The following CTNNA3 variants were observed in gnomAD, a reference collection of about 807,000 sequenced individuals.
The protein encoded by CTNNA3 is catenin alpha 3.
In CTNNA3, 76 loss-of-function variants were observed where a neutral mutation model predicts 95.7. That is an observed-to-expected ratio of 0.79 (90% CI 0.66 to 0.96). The LOEUF (loss-of-function observed/expected upper bound fraction) is 0.96, where lower values mean the gene tolerates loss of function less well. Ranked by LOEUF, CTNNA3 falls within the 40% of genes least tolerant of loss-of-function variation. The probability of loss-of-function intolerance (pLI) is 0.00; values close to 1 mark genes in which losing one functional copy is unlikely to be tolerated. For synonymous variants in CTNNA3, 431 were observed against 374.4 expected, an observed-to-expected ratio of 1.15 and a Z score of -1.74; for missense variants, 1,191 against 1,089.8, an observed-to-expected ratio of 1.09 and a Z score of -1.31.
At chr10:67,663,572 G>C (rs1840252849) in intron 1 of CTNNA3, among the ~76,000 whole-genome samples, 1 of 151,982 alleles carries the variant, frequency 6.6e-6, no homozygotes, top group Non-Finnish European at 1.5e-5. Context: ...GGCAGGCTGG[G>C]AGGGGCTGCC....
intron 7 of CTNNA3, among the ~76,000 whole-genome samples, chr10:67,036,892 A>T (rs1001933364): frequency 1.3e-5 from 2 of 152,182 alleles, no homozygotes; most frequent in Admixed American, 1.3e-4. Context: ...GTGAAAAAAA[A>T]TAATAATGCA....
In CTNNA3 at chr10:66,175,037, A is replaced by G. The variant is rs1420306262; in HGVS notation, c.1885-71788T>C. 3.3e-5 allele frequency among the ~76,000 whole-genome samples: 5 copies of G among 152,266 alleles called. No individual in the cohort carries two copies. The South Asian group carries it at 1.0e-3, about 32-fold the overall frequency. On this transcript the variant is annotated intron_variant, in intron 13 of 17. Transcript: ENST00000433211. ...TGCCTCAGATATTGAGAAAGAAGGT[A>G]CAAGATTTCATTTTCACCATGAGCT...
intron 15 of CTNNA3, among the ~76,000 whole-genome samples, chr10:66,024,234 C>T (rs766244173): frequency 6.6e-6 from 1 of 151,964 alleles, no homozygotes; most frequent in Non-Finnish European, 1.5e-5. Context: ...GGACTACAGG[C>T]GACCGCCACC....
At chr10:65,921,204 C>T (rs2077081010) in intron 17 of CTNNA3, among the ~76,000 whole-genome samples, 1 of 152,172 alleles carries the variant, frequency 6.6e-6, no homozygotes, top group Admixed American at 6.5e-5. Context: ...TAGCCATTTA[C>T]TACAAAAAGG....
At chr10:67,280,792 G>T (rs1173179702) in intron 5 of CTNNA3, among the ~76,000 whole-genome samples, 1 of 152,008 alleles carries the variant, frequency 6.6e-6, no homozygotes, top group African/African-American at 2.4e-5. Context: ...CCTCAAAATT[G>T]CCTATATTTC....
intron 7 of CTNNA3, among the ~76,000 whole-genome samples, chr10:67,063,424 T>TA (rs1855880203): frequency 6.6e-6 from 1 of 152,134 alleles, no homozygotes. Flanking sequence ...GGAGTTAAAT[T>TA]CATTAAAGAA....
chr10:66,371,582 A>C (rs2092754729), intron 12 of CTNNA3, among the ~76,000 whole-genome samples: 1 of 152,150 alleles, frequency 6.6e-6, no homozygotes, highest in Admixed American at 6.6e-5. Flanking sequence ...TGTCCCAGTG[A>C]TGTCCAATTA....
At position 67,049,138 on chromosome 10, in the gene CTNNA3, T is replaced by C. The variant is rs180975743; in HGVS notation, c.1047+131179A>G. On this transcript the variant is annotated intron_variant, in intron 7 of 17. Transcript: ENST00000433211. ...AGATCAGTAATTATTCCATGCAGGA[T>C]AATGTTAGTATACTAAGTGAGACAG... 2.6e-5 allele frequency among the ~76,000 whole-genome samples: 4 copies of C among 151,962 alleles called. No homozygotes were observed. The East Asian group carries it at 7.7e-4, about 29-fold the overall frequency.
At chr10:67,661,939 G>A (rs1165084292) in intron 1 of CTNNA3, among the ~76,000 whole-genome samples, 3 of 152,284 alleles carry the variant, frequency 2.0e-5, no homozygotes, top group Admixed American at 6.5e-5. Flanking sequence ...TAGCAAAAAC[G>A]TAAACTGGTA....
chr10:67,319,896 C>CAAAAA (rs11418140), intron 5 of CTNNA3, among the ~76,000 whole-genome samples: 2 of 102,870 alleles, frequency 1.9e-5, no homozygotes, highest in East Asian at 2.8e-4. Context: ...GACTCAGTCT[C>CAAAAA]AAAAAAAAAA....
At chr10:67,562,846 C>T (rs552039507) in intron 3 of CTNNA3, among the ~76,000 whole-genome samples, 42 of 152,176 alleles carry the variant, frequency 2.8e-4, no homozygotes, top group Non-Finnish European at 4.9e-4. Flanking sequence ...ACACCAATAA[C>T]AGACAAACAG....
intron 3 of CTNNA3, among the ~76,000 whole-genome samples, chr10:67,557,374 C>T (rs1322880148): frequency 3.3e-5 from 5 of 152,146 alleles, no homozygotes; most frequent in Admixed American, 6.5e-5. Flanking sequence ...TGATTTTTAA[C>T]TTTCACCATT....
rs113432294 is a variant in CTNNA3 at position 67,328,458 on chromosome 10, C to T, written c.580-108588G>A. ...TCCCCTAGTCCTGCACCAAACTCTT[C>T]GGGCTCCACATCAGCTGGCTGCTGC... On this transcript the variant is annotated intron_variant, in intron 5 of 17. Transcript: ENST00000433211. 4.2e-3 allele frequency among the ~76,000 whole-genome samples: 641 copies of T among 152,330 alleles called. 2 individuals carry two copies. Among genetic ancestry groups the T allele is most frequent in the Middle Eastern group, 0.024 (7 of 294 alleles).
At chr10:67,310,829 G>A (rs1228519196) in intron 5 of CTNNA3, among the ~76,000 whole-genome samples, 1 of 152,164 alleles carries the variant, frequency 6.6e-6, no homozygotes, top group Non-Finnish European at 1.5e-5. Flanking sequence ...CACCACACAT[G>A]GGGATTATGG....
At chr10:67,474,247 C>T (rs1210073194) in intron 5 of CTNNA3, among the ~76,000 whole-genome samples, 3 of 152,060 alleles carry the variant, frequency 2.0e-5, no homozygotes, top group African/African-American at 7.2e-5. Context: ...GTCCTGAATA[C>T]CAGAATGTGA....
rs577799817 is a variant in CTNNA3 at position 66,403,784 on chromosome 10, C to T, written c.1532-24432G>A. ...ATGACAGTAAGAGAAATCTGACATA[C>T]TTGACTCCATCTTGCTTCTGACCTC... On this transcript the variant is annotated intron_variant, in intron 11 of 17. Coordinates refer to ENST00000433211, the MANE Select transcript of CTNNA3 (RefSeq NM_013266.4). Among the ~76,000 whole-genome samples the T allele has an allele frequency of 2.6e-5, 4 of 152,318 alleles. No individual in the cohort carries two copies. In the East Asian group the frequency reaches 7.7e-4, roughly 29 times the overall value.
At chr10:67,238,169 A>G (rs900366786) in intron 5 of CTNNA3, among the ~76,000 whole-genome samples, 1 of 152,198 alleles carries the variant, frequency 6.6e-6, no homozygotes, top group Non-Finnish European at 1.5e-5. Context: ...CAAGATCCAA[A>G]TGAAAATACA....
chr10:67,166,326 T>C (rs1861768170), intron 7 of CTNNA3, among the ~76,000 whole-genome samples: 1 of 152,214 alleles, frequency 6.6e-6, no homozygotes, highest in Non-Finnish European at 1.5e-5. Flanking sequence ...CTCATTAAAA[T>C]GGAATTCTGC....
intron 15 of CTNNA3, among the ~76,000 whole-genome samples, chr10:66,048,104 C>A (rs1446078070): frequency 6.6e-6 from 1 of 152,088 alleles, no homozygotes; most frequent in Non-Finnish European, 1.5e-5. Flanking sequence ...GCACATTCTT[C>A]ACAGAACTAG....
Sources: allele counts gnomAD v4.1 joint callset (sites outside exome capture counted in the v4.1 genomes callset), GRCh38; gene constraint gnomAD v4.1.1; transcripts MANE v1.5; gene names NCBI Gene and HGNC (gene_info 2026-07-23, HGNC 2026-07-21).